The following PTPRS variants were observed in gnomAD, a reference collection of about 807,000 sequenced individuals.
The protein encoded by PTPRS is protein tyrosine phosphatase receptor type S.
PTPRS carries 63 observed loss-of-function variants against 215.3 expected under a neutral mutation model. The observed-to-expected ratio is 0.29, with a 90% confidence interval of 0.24 to 0.36. The LOEUF (loss-of-function observed/expected upper bound fraction) is 0.36, where lower values mean the gene tolerates loss of function less well. Ranked by LOEUF, PTPRS falls within the 10% of genes least tolerant of loss-of-function variation. The pLI, the probability that PTPRS is intolerant of heterozygous loss-of-function variation, is 1.00. For synonymous variants in PTPRS, 1,404 were observed against 1,191.4 expected (o/e 1.18, Z -3.68); for missense variants, 2,258 against 2,825.8 (o/e 0.80, Z 4.56).
At chr19:5,305,939 C>CCAAAAAA (rs776653574) in intron 1 of PTPRS, among the ~76,000 whole-genome samples, 1 of 22,644 alleles carries the variant, frequency 4.4e-5, no homozygotes, top group Non-Finnish European at 6.9e-5. Flanking sequence ...GACTCCGTCT[C>CCAAAAAA]AAAAAAAAAA....
intron 25 of PTPRS, among the ~76,000 whole-genome samples, chr19:5,218,152 C>T (rs73543270): frequency 0.024 from 3,626 of 151,496 alleles, 147 homozygotes; most frequent in African/African-American, 0.083. Flanking sequence ...TTTTAAACAT[C>T]GTCTTTAGGC....
At chr19:5,224,741 G>A (rs887111041) in intron 17 of PTPRS, among the ~76,000 whole-genome samples, 1 of 152,180 alleles carries the variant, frequency 6.6e-6, no homozygotes, top group African/African-American at 2.4e-5. Context: ...CTAGAAGAAG[G>A]GAGGGAGAGA....
intron 26 of PTPRS, 40 bp downstream of exon 26, chr19:5,216,680 C>T (rs368683450): frequency 2.3e-5 from 33 of 1,462,238 alleles, no homozygotes; most frequent in Middle Eastern, 1.7e-4. Context: ...TGAACGGGGG[C>T]GGGGGCGAAA....
intron 4 of PTPRS, among the ~76,000 whole-genome samples, chr19:5,265,945 A>G (rs571497355): frequency 1.3e-5 from 2 of 152,282 alleles, no homozygotes; most frequent in African/African-American, 4.8e-5. Context: ...CTTTTAAAAA[A>G]TTTTTAAACA....
Position 5,285,749 on chromosome 19 carries a change from C to G in PTPRS, c.91+301G>C, listed in dbSNP as rs573855600. 2.0e-5 allele frequency among the ~76,000 whole-genome samples: 3 copies of G among 152,320 alleles called. No homozygotes were observed. In the South Asian group the frequency reaches 6.2e-4, roughly 32 times the overall value. On this transcript the variant is annotated intron_variant, in intron 2 of 37. Coordinates refer to ENST00000262963, the MANE Select transcript of PTPRS (RefSeq NM_002850.4). ...TTTGTCAGGCTCAAGGGAGAGGAAG[C>G]AGGTAAAATTAGTGCTTAGCATGGA...
Position 5,256,098 on chromosome 19 carries a change from A to C in PTPRS, c.718+10T>G. 1 of 1,520,386 alleles carries C rather than the reference A, an allele frequency of 6.6e-7. No individual in the cohort carries two copies. The highest frequency in any genetic ancestry group is 9.1e-7 in the Non-Finnish European group (1 of 1,098,584). 94.2% of individuals were successfully genotyped at this position (1,520,386 alleles called of 1,614,324 possible). On this transcript the variant is annotated intron_variant, in intron 9 of 37. Coordinates refer to ENST00000262963, the MANE Select transcript of PTPRS (RefSeq NM_002850.4). ...GGTAAAGAAAGTAAAAAAGAAAAAA[A>C]CACACCAACCTTCTCGAAGCTCTGA...
intron 1 of PTPRS, among the ~76,000 whole-genome samples, chr19:5,290,594 G>A (rs1265904412): frequency 1.3e-5 from 2 of 152,064 alleles, no homozygotes; most frequent in Non-Finnish European, 2.9e-5. Context: ...GGGGCTCCTC[G>A]GGCCAGAGGA....
chr19:5,273,514 T>C lies in PTPRS; in HGVS notation c.307A>G (p.Asn103Asp). Residue 103 changes from asparagine to aspartate, a missense_variant, in exon 4 of 38, where the codon AAC (asparagine) becomes GAC (aspartate). Around this residue, in one of 6 missense-constraint regions of PTPRS, gnomAD observed 508 missense variants for 799.4 expected, o/e 0.64. Transcript: ENST00000262963. The part of the protein sequence containing the change: ...IQPLRTPRDE[N>D]VYECVAQNSV... ...TTCTGGGCCACACACTCGTACACGT[T>C]TTCATCCCGCGGTGTCCTCAGCGGC... 1 of 1,614,134 alleles carries C rather than the reference T, an allele frequency of 6.2e-7. No homozygotes were observed. Among genetic ancestry groups the C allele is most frequent in the Non-Finnish European group, 8.5e-7 (1 of 1,180,010 alleles).
chr19:5,329,226 G>A (rs910955007), intron 1 of PTPRS, among the ~76,000 whole-genome samples: 4 of 152,272 alleles, frequency 2.6e-5, no homozygotes, highest in African/African-American at 4.8e-5. Flanking sequence ...ACGGACAAAG[G>A]GGAGGGGAAG....
At chr19:5,218,089 G>A (rs113472333) in intron 25 of PTPRS, among the ~76,000 whole-genome samples, 4,724 of 151,978 alleles carry the variant, frequency 0.031, 113 homozygotes, top group Middle Eastern at 0.088. Context: ...ATAAACAGAA[G>A]AATAGCTCTT....
In PTPRS at chr19:5,206,567, G is replaced by T; in HGVS notation, c.*207C>A. ...AATGTGCCAAGTATTTGAAGGCGGC[G>T]GCCGGTGCCAGGGAGGTCGCTGGGG... On this transcript the variant is annotated 3_prime_UTR_variant, in exon 38 of 38. Coordinates refer to ENST00000262963, the MANE Select transcript of PTPRS (RefSeq NM_002850.4). The T allele has an allele frequency of 2.0e-6, 1 of 508,790 alleles. No homozygotes were observed. Among genetic ancestry groups the T allele is most frequent in the Non-Finnish European group, 3.5e-6 (1 of 284,888 alleles). 31.5% of individuals were successfully genotyped at this position (508,790 alleles called of 1,614,324 possible). A position where few individuals can be genotyped will look rare whatever the true frequency, so the allele number is the denominator to read the frequency against.
At chr19:5,243,793 C>G in intron 11 of PTPRS, 108 bp downstream of exon 11, 1 of 1,020,690 alleles carries the variant, frequency 9.8e-7, no homozygotes, top group East Asian at 2.8e-5. Flanking sequence ...ATGAAAATAT[C>G]TTAAAGCACC....
In PTPRS at chr19:5,225,616, C is replaced by T. The variant is rs2042414627; in HGVS notation, c.2494+111G>A. On this transcript the variant is annotated intron_variant, in intron 17 of 37. Transcript: ENST00000262963. ...CACCTTTGTCTCACTGTTCCAGCTG[C>T]CTGGTGCACCCTCTGCCTGCCCTTG... is the stretch of plus-strand genomic sequence containing the variant. 5 of 951,922 alleles carry T rather than the reference C, an allele frequency of 5.3e-6. No homozygotes were observed. In the East Asian group the frequency reaches 1.2e-4, roughly 23 times the overall value. The allele number at this position is 951,922 out of a possible 1,614,324, so 59.0% of individuals were successfully genotyped here.
Position 5,210,879 on chromosome 19 carries a change from AG to A in PTPRS, c.5235-75del. 1 of 1,555,226 alleles carries A rather than the reference AG, an allele frequency of 6.4e-7. No homozygotes were observed. The highest frequency in any genetic ancestry group is 8.7e-7 in the Non-Finnish European group (1 of 1,155,340). On this transcript the variant is annotated intron_variant, in intron 33 of 37. Coordinates refer to ENST00000262963, the MANE Select transcript of PTPRS (RefSeq NM_002850.4). This position sits in a 1 kb window ranked among gnomAD's most constrained non-coding sequence, Gnocchi z 4.5. The stretch of plus-strand genomic sequence containing the variant: ...TGGTACTCACCTGATGCTGCCCGGG[AG>A]GGTCAGGACCAAGCCAGTGACAGCT...
At chr19:5,224,559 G>C (rs2042306359) in intron 17 of PTPRS, among the ~76,000 whole-genome samples, 1 of 152,212 alleles carries the variant, frequency 6.6e-6, no homozygotes, top group South Asian at 2.1e-4. Flanking sequence ...AAGGGGGAAA[G>C]CTGGGCTGTA....
At chr19:5,264,857 T>C (rs2046287155) in intron 5 of PTPRS, 151 bp downstream of exon 5, 2 of 827,904 alleles carry the variant, frequency 2.4e-6, no homozygotes, top group Non-Finnish European at 3.7e-6. Flanking sequence ...TTGAAGACAT[T>C]TGCCCCCACT....
In PTPRS at chr19:5,325,003, C is replaced by A. The variant is rs151091566; in HGVS notation, c.-95+15661G>T. Among the ~76,000 whole-genome samples, 251 of 152,362 alleles carry A rather than the reference C, an allele frequency of 1.6e-3. 5 individuals carry two copies. In the Middle Eastern group the frequency reaches 0.024, roughly 14 times the overall value. ...TGAATTGCAAATGCCAGAAAAAGCA[C>A]AAATAAGGAATGATTTCTCTTTTCA... On this transcript the variant is annotated intron_variant, in intron 1 of 37. Transcript: ENST00000262963.
intron 1 of PTPRS, among the ~76,000 whole-genome samples, chr19:5,291,397 A>G (rs1295675126): frequency 6.6e-6 from 1 of 152,086 alleles, no homozygotes; most frequent in Non-Finnish European, 1.5e-5. Flanking sequence ...AGTCGAGCCC[A>G]GAGTCCACAT....
At chr19:5,300,767 C>CAAAAAAAAAAAAAAAAAAAA (rs59799136) in intron 1 of PTPRS, among the ~76,000 whole-genome samples, 1 of 97,768 alleles carries the variant, frequency 1.0e-5, no homozygotes, top group Non-Finnish European at 2.0e-5. Context: ...GACTCCGTCT[C>CAAAAAAAAAAAAAAAAAAAA]AAAAAAAAAA....
Sources: allele counts gnomAD v4.1 joint callset (sites outside exome capture counted in the v4.1 genomes callset), GRCh38; gene constraint gnomAD v4.1.1; regional missense constraint gnomAD v4.1.1; non-coding constraint Gnocchi (gnomAD v3.1); transcripts MANE v1.5; gene names NCBI Gene and HGNC (gene_info 2026-07-23, HGNC 2026-07-21).